The following STARD13 variants were observed in gnomAD, a reference collection of about 807,000 sequenced individuals.
STARD13 encodes the protein stAR-related lipid transfer protein 13.
A neutral mutation model predicts 106.4 loss-of-function variants in STARD13; 62 were observed. The observed-to-expected ratio is 0.58, with a 90% confidence interval of 0.48 to 0.72. The LOEUF is 0.72. Among genes scored for constraint, STARD13 ranks in the 30% least tolerant of loss-of-function variants. STARD13 has a pLI of 0.00. For synonymous variants in STARD13, 565 were observed against 553.0 expected (o/e 1.02, Z -0.31); for missense variants, 1,387 against 1,424.0 (o/e 0.97, Z 0.42).
the STARD13 span, among the ~76,000 whole-genome samples, chr13:33,497,325 T>C: frequency 6.6e-6 from 1 of 152,182 alleles, no homozygotes; most frequent in Non-Finnish European, 1.5e-5. Flanking sequence ...CTCTGAGTAA[T>C]ATTAGTCATC....
chr13:33,183,779 G>A (rs985044141), intron 1 of STARD13, among the ~76,000 whole-genome samples: 4 of 152,136 alleles, frequency 2.6e-5, no homozygotes, highest in African/African-American at 7.2e-5. Flanking sequence ...ATGAGGCCTG[G>A]TCCAGTCAGG....
At chr13:33,288,667 A>T (rs1892172039), upstream of STARD13, among the ~76,000 whole-genome samples, 2 of 151,470 alleles carry the variant, frequency 1.3e-5, no homozygotes. Flanking sequence ...TCAAAAAATC[A>T]GCCAGCATTT....
chr13:33,212,684 G>T (rs374770462), intron 1 of STARD13, among the ~76,000 whole-genome samples: 1 of 152,118 alleles, frequency 6.6e-6, no homozygotes, highest in Non-Finnish European at 1.5e-5. Flanking sequence ...AATTTCACTC[G>T]CAAGCATTCC....
chr13:33,134,395 G>A (rs1878776840), intron 4 of STARD13, among the ~76,000 whole-genome samples: 1 of 152,232 alleles, frequency 6.6e-6, no homozygotes, highest in African/African-American at 2.4e-5. Flanking sequence ...GGTTGGACAA[G>A]CTTGCTACAG....
At chr13:33,551,162 G>C in the STARD13 span, among the ~76,000 whole-genome samples, 1 of 151,082 alleles carries the variant, frequency 6.6e-6, no homozygotes, top group Admixed American at 6.6e-5. Context: ...ACCCGCCATT[G>C]GTGTGTCTTG....
chr13:33,145,698 C>G (rs574003200), intron 3 of STARD13, among the ~76,000 whole-genome samples: 1 of 152,234 alleles, frequency 6.6e-6, no homozygotes, highest in East Asian at 1.9e-4. Flanking sequence ...AAGGCACTAA[C>G]TATTGATACA....
the STARD13 span, among the ~76,000 whole-genome samples, chr13:33,504,795 G>C: frequency 6.6e-6 from 1 of 152,062 alleles, no homozygotes; most frequent in Non-Finnish European, 1.5e-5. Context: ...CACCTGCCTT[G>C]GCCTGCCAAT....
the STARD13 span, among the ~76,000 whole-genome samples, chr13:33,438,557 T>C: frequency 6.6e-6 from 1 of 152,218 alleles, no homozygotes. Flanking sequence ...TTTCTCAGAA[T>C]GGCAAGAACA....
At chr13:33,288,439 TA>T (rs111875268), upstream of STARD13, among the ~76,000 whole-genome samples, 574 of 143,418 alleles carry the variant, frequency 4.0e-3, 2 homozygotes, top group South Asian at 8.9e-3. Context: ...CCTGGCCAAT[TA>T]AAAAAAAAAA....
intron 1 of STARD13, among the ~76,000 whole-genome samples, chr13:33,231,667 G>A (rs971675294): frequency 1.3e-5 from 2 of 152,148 alleles, no homozygotes; most frequent in Non-Finnish European, 2.9e-5. Context: ...AAAACTAACT[G>A]TTAAAGAATG....
chr13:33,639,596 T>C, the STARD13 span, among the ~76,000 whole-genome samples: 1 of 152,252 alleles, frequency 6.6e-6, no homozygotes, highest in Admixed American at 6.5e-5. Flanking sequence ...AGCTGCCTCC[T>C]TACATATTTG....
Position 33,129,369 on chromosome 13 carries a change from C to T in STARD13, c.1308G>A (p.Glu436=), listed in dbSNP as rs1018374048. 6.2e-7 allele frequency: 1 copy of T among 1,614,210 alleles called. No homozygotes were observed. Among genetic ancestry groups the T allele is most frequent in the Non-Finnish European group, 8.5e-7 (1 of 1,180,034 alleles). ...WRTGSISLGR[E]QVPGAREPRL... ...GGGGCTCCCTGGCACCAGGGACCTG[C>T]TCTCTGCCCAGGGAGATGCTACCGG... Residue 436 remains glutamate, a synonymous_variant, in exon 5 of 14, where the codon GAG becomes GAA. Coordinates refer to ENST00000336934, the MANE Select transcript of STARD13 (RefSeq NM_178006.4).
the STARD13 span, among the ~76,000 whole-genome samples, chr13:33,634,563 A>AT: frequency 6.6e-6 from 1 of 152,160 alleles, no homozygotes; most frequent in South Asian, 2.1e-4. Flanking sequence ...CCTCAAAGCC[A>AT]TTTTTTGAAA....
chr13:33,521,033 C>T, the STARD13 span, among the ~76,000 whole-genome samples: 2 of 152,098 alleles, frequency 1.3e-5, no homozygotes, highest in Non-Finnish European at 2.9e-5. Context: ...TACTCAGGAC[C>T]CATCACCTAC....
the STARD13 span, among the ~76,000 whole-genome samples, chr13:33,454,046 C>T: frequency 6.6e-6 from 1 of 152,226 alleles, no homozygotes; most frequent in African/African-American, 2.4e-5. Flanking sequence ...CTCCTAACAA[C>T]TCAAAGGGCT....
the STARD13 span, among the ~76,000 whole-genome samples, chr13:33,601,796 G>A: frequency 6.6e-6 from 1 of 152,060 alleles, no homozygotes; most frequent in Non-Finnish European, 1.5e-5. Context: ...CTGACTCTGT[G>A]CCCAGAACTG....
chr13:33,398,887 A>G, the STARD13 span, among the ~76,000 whole-genome samples: 1 of 152,194 alleles, frequency 6.6e-6, no homozygotes, highest in East Asian at 1.9e-4. Context: ...TCACAATTCC[A>G]TCCCTTGGTA....
chr13:33,618,905 AG>A, the STARD13 span, among the ~76,000 whole-genome samples: 2 of 151,970 alleles, frequency 1.3e-5, no homozygotes, highest in Non-Finnish European at 2.9e-5. Flanking sequence ...GAGGGTTCTG[AG>A]GAGAGCTGGG....
At chr13:33,273,868 A>C (rs528937030) in intron 1 of STARD13, 1 of 152,360 alleles carries the variant, frequency 6.6e-6, no homozygotes, top group Non-Finnish European at 1.5e-5. Flanking sequence ...TAGAAAAATC[A>C]CAAGAATTTG....
Sources: allele counts gnomAD v4.1 joint callset (sites outside exome capture counted in the v4.1 genomes callset), GRCh38; gene constraint gnomAD v4.1.1; transcripts MANE v1.5; gene names NCBI Gene and HGNC (gene_info 2026-07-23, HGNC 2026-07-21).